HOXD3: variants seen among roughly 807,000 people sequenced by gnomAD.
The protein encoded by HOXD3 is homeobox D3, also known as homeobox protein Hox-D3.
HOXD3 carries 13 observed loss-of-function variants against 32.8 expected under a neutral mutation model. That is an observed-to-expected ratio of 0.40 (90% CI 0.26 to 0.63). The LOEUF (loss-of-function observed/expected upper bound fraction) is 0.63, where lower values mean the gene tolerates loss of function less well. Among genes scored for constraint, HOXD3 ranks in the 20% least tolerant of loss-of-function variants. The pLI, the probability that HOXD3 is intolerant of heterozygous loss-of-function variation, is 0.44. For missense variants in HOXD3, 504 were observed against 577.1 expected (o/e 0.87, Z 1.30); for synonymous variants, 241 against 246.8 (o/e 0.98, Z 0.22).
rs773774771 is a variant in HOXD3 at position 176,172,300 on chromosome 2, G to T, written c.*26G>T. On this transcript the variant is annotated 3_prime_UTR_variant, in exon 4 of 4. Coordinates refer to ENST00000683222, the MANE Select transcript of HOXD3 (RefSeq NM_006898.5). ...CGGCCGCCGCCAGCCCGAACTCGCGGCAAAATTACCTCTCTTGCTGTAGTG... is the reference window on the plus strand; with the variant it reads ...CGGCCGCCGCCAGCCCGAACTCGCGTCAAAATTACCTCTCTTGCTGTAGTG... 14 of 1,567,738 alleles carry T rather than the reference G, an allele frequency of 8.9e-6. No homozygotes were observed. The highest frequency in any genetic ancestry group is 1.2e-5 in the Non-Finnish European group (14 of 1,161,224).
upstream of HOXD3, among the ~76,000 whole-genome samples, chr2:176,156,853 T>C (rs1690654585): frequency 6.6e-6 from 1 of 152,136 alleles, no homozygotes; most frequent in Non-Finnish European, 1.5e-5. Context: ...GTCCTTAATA[T>C]ATGGAAGGGC....
At chr2:176,168,714 AT>A (rs1691071666) in intron 2 of HOXD3, among the ~76,000 whole-genome samples, 2 of 152,222 alleles carry the variant, frequency 1.3e-5, no homozygotes, top group African/African-American at 4.8e-5. Context: ...TGAAATAGCT[AT>A]TAATACTGCA....
At chr2:176,152,625 G>A (rs775508820), upstream of HOXD3, 7 of 1,613,924 alleles carry the variant, frequency 4.3e-6, no homozygotes, top group Non-Finnish European at 5.9e-6. The surrounding 1 kb of genome is among the most constrained non-coding windows in gnomAD (Gnocchi z 5.2). Context: ...CAACTACACC[G>A]GTGGGGAACC....
At chr2:176,159,933 A>G (rs1690744836) in intron 1 of HOXD3, among the ~76,000 whole-genome samples, 1 of 152,154 alleles carries the variant, frequency 6.6e-6, no homozygotes. Flanking sequence ...GCCTCGAAGG[A>G]CCAGGTTGGG....
upstream of HOXD3, chr2:176,153,253 T>G: frequency 2.5e-6 from 1 of 394,208 alleles, no homozygotes; most frequent in Non-Finnish European, 4.7e-6. Flanking sequence ...AATTTGCAAA[T>G]GAAGGTTGGA....
intron 2 of HOXD3, among the ~76,000 whole-genome samples, chr2:176,166,839 T>G (rs2105445856): frequency 6.6e-6 from 1 of 152,220 alleles, no homozygotes; most frequent in African/African-American, 2.4e-5. Context: ...TTAGAAGAAT[T>G]TTAAAATTTG....
At chr2:176,157,089 G>C (rs1362286403), upstream of HOXD3, among the ~76,000 whole-genome samples, 2 of 152,084 alleles carry the variant, frequency 1.3e-5, no homozygotes, top group Non-Finnish European at 2.9e-5. Flanking sequence ...CGGGACCCTC[G>C]GCGGACGGCG....
At chr2:176,167,492 T>C (rs1257478301) in intron 2 of HOXD3, among the ~76,000 whole-genome samples, 1 of 152,110 alleles carries the variant, frequency 6.6e-6, no homozygotes, top group African/African-American at 2.4e-5. Flanking sequence ...GAAGAAACAT[T>C]TTCTAGCCTC....
intron 3 of HOXD3, among the ~76,000 whole-genome samples, chr2:176,170,118 T>C (rs193174404): frequency 3.7e-4 from 57 of 152,336 alleles, no homozygotes; most frequent in Admixed American, 2.4e-3. Flanking sequence ...TAATTTAATT[T>C]TTCAAAGAAC....
chr2:176,168,941 TA>T, intron 2 of HOXD3, 89 bp from the exon 3 acceptor site: 1 of 948,562 alleles, frequency 1.1e-6, no homozygotes, highest in Non-Finnish European at 1.5e-6. Flanking sequence ...GTGAAGTGGG[TA>T]GGAAGCAGAG....
chr2:176,163,093 G>T (rs1337855959), intron 1 of HOXD3, among the ~76,000 whole-genome samples: 2 of 152,198 alleles, frequency 1.3e-5, no homozygotes, highest in East Asian at 3.9e-4. Context: ...GCAGCGCGAA[G>T]TTAGGAGCCC....
At chr2:176,157,970 G>A (rs1690685097) in intron 1 of HOXD3, among the ~76,000 whole-genome samples, 1 of 152,152 alleles carries the variant, frequency 6.6e-6, no homozygotes, top group Admixed American at 6.5e-5. Context: ...TCAAGCGAGG[G>A]TCGTAAATTT....
At chr2:176,171,440 C>A in intron 3 of HOXD3, 77 bp from the exon 4 acceptor site, 1 of 1,321,534 alleles carries the variant, frequency 7.6e-7, no homozygotes, top group South Asian at 1.5e-5. Flanking sequence ...AAAAGAGAAC[C>A]AGGGAAGCAC....
At position 176,172,390 on chromosome 2, in the gene HOXD3, C is replaced by A; in HGVS notation, c.*116C>A. ...CCCCTTCCCCGCTCTTGCCCTGCCG[C>A]CGCCTCCCGGGTCTCAGGCCTCCAG... is the stretch of plus-strand genomic sequence containing the variant. On this transcript the variant is annotated 3_prime_UTR_variant, in exon 4 of 4. Transcript: ENST00000683222. The A allele has an allele frequency of 9.3e-7, 1 of 1,079,604 alleles. No individual in the cohort carries two copies. The highest frequency in any genetic ancestry group is 2.7e-5 in the East Asian group (1 of 37,526). The allele number at this position is 1,079,604 out of a possible 1,614,324, so 66.9% of individuals were successfully genotyped here.
chr2:176,168,261 C>CAAAAAAAAAAA (rs34436368), intron 2 of HOXD3, among the ~76,000 whole-genome samples: 1 of 103,392 alleles, frequency 9.7e-6, no homozygotes. Flanking sequence ...CCTGTCTCTA[C>CAAAAAAAAAAA]AAAAAAAAAA....
chr2:176,167,591 G>A (rs1409223010), intron 2 of HOXD3, among the ~76,000 whole-genome samples: 2 of 151,670 alleles, frequency 1.3e-5, no homozygotes, highest in Non-Finnish European at 2.9e-5. Flanking sequence ...GATTCATAGA[G>A]CTTACTCAGC....
At chr2:176,160,525 C>A (rs1316635124) in intron 1 of HOXD3, among the ~76,000 whole-genome samples, 2 of 152,234 alleles carry the variant, frequency 1.3e-5, no homozygotes, top group Non-Finnish European at 2.9e-5. Context: ...TTCCTTCCAG[C>A]CCCCAGGCTT....
intron 2 of HOXD3, among the ~76,000 whole-genome samples, chr2:176,167,909 G>A (rs759866781): frequency 1.3e-5 from 2 of 152,122 alleles, no homozygotes; most frequent in African/African-American, 2.4e-5. Context: ...CCTGCAAGGA[G>A]CTTACAGTTT....
chr2:176,171,178 T>C (rs578082137), intron 3 of HOXD3, among the ~76,000 whole-genome samples: 1 of 152,284 alleles, frequency 6.6e-6, no homozygotes, highest in South Asian at 2.1e-4. Flanking sequence ...GAGGGAGGCC[T>C]TACCAGCTGC....
Sources: gnomAD v4.1 joint callset for allele counts (sites outside exome capture counted in the v4.1 genomes callset) on GRCh38, gnomAD v4.1.1 for gene constraint, Gnocchi (gnomAD v3.1) non-coding constraint, MANE v1.5 for transcripts, NCBI Gene and HGNC (gene_info 2026-07-23, HGNC 2026-07-21) for gene names.